Variants in PRKCA observed in about 807,000 individuals in gnomAD.
PRKCA encodes protein kinase C alpha type.
In PRKCA, 27 loss-of-function variants were observed where a neutral mutation model predicts 87.0. The ratio of observed to expected loss-of-function variants is 0.31; its 90% confidence interval spans 0.23 to 0.43. The LOEUF is 0.43. Among genes scored for constraint, PRKCA ranks in the 20% least tolerant of loss-of-function variants. The pLI, the probability that PRKCA is intolerant of heterozygous loss-of-function variation, is 1.00. For synonymous variants in PRKCA, 329 were observed against 311.1 expected (o/e 1.06, Z -0.61); for missense variants, 518 against 852.3 (o/e 0.61, Z 4.88).
At chr17:66,579,084 G>A (rs192954015) in intron 3 of PRKCA, among the ~76,000 whole-genome samples, 255 of 152,316 alleles carry the variant, frequency 1.7e-3, no homozygotes, top group African/African-American at 5.9e-3. Context: ...GCACATGTGC[G>A]TTCCCTAGTC....
chr17:66,480,784 A>T (rs1256374404), intron 2 of PRKCA, among the ~76,000 whole-genome samples: 1 of 151,628 alleles, frequency 6.6e-6, no homozygotes, highest in East Asian at 1.9e-4. Flanking sequence ...TATGGCTTAA[A>T]AAAAAAAAAG....
chr17:66,366,009 G>A (rs1376450785), intron 2 of PRKCA, among the ~76,000 whole-genome samples: 1 of 152,150 alleles, frequency 6.6e-6, no homozygotes, highest in East Asian at 1.9e-4. Context: ...TGTCCATCTC[G>A]TGACCAATAT....
chr17:66,365,115 A>G (rs1260028297), intron 2 of PRKCA, among the ~76,000 whole-genome samples: 3 of 152,242 alleles, frequency 2.0e-5, no homozygotes, highest in African/African-American at 7.2e-5. Context: ...TTATCTTTGC[A>G]TCTTGAAGTT....
chr17:66,783,315 C>G (rs937470765), intron 14 of PRKCA, among the ~76,000 whole-genome samples: 1 of 152,182 alleles, frequency 6.6e-6, no homozygotes, highest in Non-Finnish European at 1.5e-5. Flanking sequence ...AGGGCCTGTA[C>G]AATTTAAATG....
chr17:66,602,682 ATAT>A (rs1286849096), intron 3 of PRKCA, among the ~76,000 whole-genome samples: 2 of 152,228 alleles, frequency 1.3e-5, no homozygotes, highest in Non-Finnish European at 2.9e-5. Context: ...ATGAGAGAAA[ATAT>A]TATACAGATC....
intron 2 of PRKCA, among the ~76,000 whole-genome samples, chr17:66,361,154 C>G (rs919001187): frequency 6.6e-6 from 1 of 152,036 alleles, no homozygotes; most frequent in Non-Finnish European, 1.5e-5. Context: ...GAAAACTACT[C>G]TGAATGAACT....
chr17:66,661,404 G>A (rs1225986573), intron 5 of PRKCA, among the ~76,000 whole-genome samples: 3 of 152,324 alleles, frequency 2.0e-5, no homozygotes, highest in African/African-American at 4.8e-5. Flanking sequence ...CCAGGGTTGT[G>A]CAGGAAGTGT....
intron 3 of PRKCA, among the ~76,000 whole-genome samples, chr17:66,529,836 G>A (rs2144259266): frequency 6.6e-6 from 1 of 152,182 alleles, no homozygotes; most frequent in East Asian, 1.9e-4. Context: ...CTCTTCTTAA[G>A]CCTCAAAATA....
intron 2 of PRKCA, among the ~76,000 whole-genome samples, chr17:66,484,177 G>A (rs144499427): frequency 4.8e-4 from 73 of 152,292 alleles, no homozygotes; most frequent in Non-Finnish European, 9.8e-4. Context: ...GACGAGAACA[G>A]TATGGGGGAA....
chr17:66,499,345 G>C (rs1916622395), intron 3 of PRKCA, among the ~76,000 whole-genome samples: 1 of 152,122 alleles, frequency 6.6e-6, no homozygotes, highest in African/African-American at 2.4e-5. Flanking sequence ...GATGCTGATT[G>C]AATGATTTCC....
At chr17:66,767,186 C>G (rs1390556518) in intron 13 of PRKCA, among the ~76,000 whole-genome samples, 1 of 152,112 alleles carries the variant, frequency 6.6e-6, no homozygotes, top group South Asian at 2.1e-4. Context: ...TACAGTAAGA[C>G]CTCACTTAAC....
At chr17:66,424,568 A>AAACACACACACACACACAC (rs1555602396) in intron 2 of PRKCA, among the ~76,000 whole-genome samples, 3,487 of 141,994 alleles carry the variant, frequency 0.025, 62 homozygotes, top group South Asian at 0.06. Context: ...CCCTGTCTCA[A>AAACACACACACACACACAC]ACACACACAC....
intron 5 of PRKCA, among the ~76,000 whole-genome samples, chr17:66,656,286 G>A (rs764692413): frequency 7.9e-5 from 12 of 152,140 alleles, no homozygotes; most frequent in Admixed American, 1.3e-4. Flanking sequence ...GTCATCTGTC[G>A]TCTTTGACTT....
intron 2 of PRKCA, among the ~76,000 whole-genome samples, chr17:66,390,148 G>A (rs943034671): frequency 2.6e-5 from 4 of 152,196 alleles, no homozygotes; most frequent in African/African-American, 7.2e-5. Context: ...CTTGAACCCA[G>A]TAGGTGGAGG....
intron 14 of PRKCA, among the ~76,000 whole-genome samples, chr17:66,785,696 C>T (rs895288529): frequency 1.3e-5 from 2 of 152,188 alleles, no homozygotes; most frequent in Admixed American, 6.5e-5. Flanking sequence ...GTGCTCAAGG[C>T]CCCTCCCAAG....
intron 2 of PRKCA, among the ~76,000 whole-genome samples, chr17:66,421,203 T>C (rs1200511035): frequency 1.3e-5 from 2 of 152,182 alleles, no homozygotes; most frequent in Non-Finnish European, 2.9e-5. Flanking sequence ...AGGAGGAAGA[T>C]AAGTGAAACT....
At chr17:66,545,244 C>A (rs534133839) in intron 3 of PRKCA, among the ~76,000 whole-genome samples, 1 of 152,008 alleles carries the variant, frequency 6.6e-6, no homozygotes, top group Non-Finnish European at 1.5e-5. Flanking sequence ...CTGGCTAACA[C>A]GGTGAAACCC....
intron 2 of PRKCA, among the ~76,000 whole-genome samples, chr17:66,355,739 T>C (rs993573528): frequency 1.2e-4 from 19 of 152,184 alleles, no homozygotes; most frequent in African/African-American, 4.3e-4. Context: ...TTTTCCAGTT[T>C]TGGGGGAAAT....
At chr17:66,394,579 T>G (rs1910551439) in intron 2 of PRKCA, among the ~76,000 whole-genome samples, 1 of 152,212 alleles carries the variant, frequency 6.6e-6, no homozygotes, top group Non-Finnish European at 1.5e-5. Context: ...GGGCTTTTCT[T>G]CTGTAGTATT....
Sources: allele counts gnomAD v4.1 joint callset (sites outside exome capture counted in the v4.1 genomes callset), GRCh38; gene constraint gnomAD v4.1.1; transcripts MANE v1.5; gene names NCBI Gene and HGNC (gene_info 2026-07-23, HGNC 2026-07-21).